Variants in CNTN5 observed in about 807,000 individuals in gnomAD.
CNTN5 encodes contactin 5, also known as contactin-5.
Under a neutral mutation model 129.1 loss-of-function variants are expected in CNTN5, and 77 were observed. The observed-to-expected ratio is 0.60, with a 90% CI of 0.50 to 0.72. The LOEUF is 0.72. CNTN5 is among the 30% of genes least tolerant of loss of function. The probability of loss-of-function intolerance (pLI) is 0.00; values close to 1 mark genes in which losing one functional copy is unlikely to be tolerated. For synonymous variants in CNTN5, 509 were observed against 465.6 expected (o/e 1.09, Z -1.20); for missense variants, 1,478 against 1,328.8 (o/e 1.11, Z -1.75).
At position 100,225,992 on chromosome 11, in the gene CNTN5, G is replaced by A. The variant is rs182641318; in HGVS notation, c.2005+1180G>A. On this transcript the variant is annotated intron_variant, in intron 16 of 24. Coordinates refer to ENST00000524871, the MANE Select transcript of CNTN5 (RefSeq NM_014361.4). ...AGTAAAATGTTGTTTTTAAAGAAGT[G>A]TGTTATTGGGTGATTGGTAGTTTGT... 3.1e-4 allele frequency among the ~76,000 whole-genome samples: 47 copies of A among 152,194 alleles called. No individual in the cohort carries two copies. In the East Asian group the frequency reaches 8.9e-3, roughly 29 times the overall value.
At chr11:99,038,245 G>A (rs998022842) in intron 1 of CNTN5, among the ~76,000 whole-genome samples, 2 of 152,122 alleles carry the variant, frequency 1.3e-5, no homozygotes, top group East Asian at 3.9e-4. Flanking sequence ...TATAAAACTT[G>A]TATATTCTTA....
At chr11:99,540,449 T>G (rs1948061287) in intron 2 of CNTN5, among the ~76,000 whole-genome samples, 1 of 152,200 alleles carries the variant, frequency 6.6e-6, no homozygotes, top group Non-Finnish European at 1.5e-5. Flanking sequence ...ACTTTCAATG[T>G]GTTCACAGGT....
At chr11:99,380,596 C>A (rs552898789) in intron 2 of CNTN5, among the ~76,000 whole-genome samples, 3 of 151,352 alleles carry the variant, frequency 2.0e-5, no homozygotes, top group Non-Finnish European at 4.4e-5. Flanking sequence ...ATGGTGAGAC[C>A]CTGTCTCTAT....
chr11:100,003,114 C>A lies in CNTN5; in HGVS notation c.980+978C>A, dbSNP rs574283932. Among the ~76,000 whole-genome samples, 4 of 152,070 alleles carry A rather than the reference C, an allele frequency of 2.6e-5. No homozygotes were observed. In the South Asian group the frequency reaches 8.3e-4, roughly 32 times the overall value. On this transcript the variant is annotated intron_variant, in intron 9 of 24. Transcript: ENST00000524871. The stretch of plus-strand genomic sequence containing the variant: ...TTTAAGGAACGAACATAGTAAACAC[C>A]GTGTTTTAATATCAAGAATGATTAA...
intron 6 of CNTN5, among the ~76,000 whole-genome samples, chr11:99,876,235 A>C (rs1329998342): frequency 6.6e-6 from 1 of 152,154 alleles, no homozygotes; most frequent in East Asian, 1.9e-4. Flanking sequence ...CAGGACCTGC[A>C]TCTGGAACCC....
At chr11:100,000,368 C>T (rs1939781052) in intron 8 of CNTN5, among the ~76,000 whole-genome samples, 1 of 152,236 alleles carries the variant, frequency 6.6e-6, no homozygotes, top group Non-Finnish European at 1.5e-5. Flanking sequence ...CAAAACCCAG[C>T]AAGGCAGTTA....
intron 3 of CNTN5, among the ~76,000 whole-genome samples, chr11:99,682,055 G>A (rs572607188): frequency 5.3e-5 from 8 of 151,784 alleles, no homozygotes; most frequent in Non-Finnish European, 1.0e-4. Context: ...AGAATCAAGT[G>A]TACAGAAAAA....
intron 2 of CNTN5, among the ~76,000 whole-genome samples, chr11:99,338,939 T>TATAC (rs1866377078): frequency 7.0e-6 from 1 of 143,710 alleles, no homozygotes; most frequent in Admixed American, 7.1e-5. Context: ...TATATATATA[T>TATAC]ATATATATCT....
chr11:99,999,869 A>T (rs1262485905), intron 8 of CNTN5, among the ~76,000 whole-genome samples: 1 of 152,106 alleles, frequency 6.6e-6, no homozygotes, highest in African/African-American at 2.4e-5. Context: ...GACATGGATG[A>T]AATTGGAAAT....
At chr11:100,102,135 T>C (rs575002994) in intron 13 of CNTN5, among the ~76,000 whole-genome samples, 1 of 152,172 alleles carries the variant, frequency 6.6e-6, no homozygotes, top group Non-Finnish European at 1.5e-5. Flanking sequence ...CTTTTAGTTC[T>C]TTAAGGAATC....
intron 9 of CNTN5, among the ~76,000 whole-genome samples, chr11:100,042,056 C>T (rs1213878600): frequency 6.6e-6 from 1 of 152,142 alleles, no homozygotes; most frequent in Non-Finnish European, 1.5e-5. Flanking sequence ...TGGTCCCCTG[C>T]CTCAAGGGAG....
intron 2 of CNTN5, among the ~76,000 whole-genome samples, chr11:99,448,353 A>T (rs1944154667): frequency 6.6e-6 from 1 of 152,214 alleles, no homozygotes; most frequent in Admixed American, 6.5e-5. Flanking sequence ...AAACCATGGG[A>T]GGCTAAAAAC....
chr11:99,073,573 T>C (rs941758794), intron 1 of CNTN5, among the ~76,000 whole-genome samples: 1 of 151,698 alleles, frequency 6.6e-6, no homozygotes, highest in Non-Finnish European at 1.5e-5. Flanking sequence ...TGACAGGCCA[T>C]GGTATATGAT....
intron 6 of CNTN5, among the ~76,000 whole-genome samples, chr11:99,862,792 A>C (rs2135775876): frequency 6.6e-6 from 1 of 152,246 alleles, no homozygotes. Flanking sequence ...GCATAAATAT[A>C]ATAGCTCATT....
chr11:99,284,603 GTGT>G (rs1565461859), intron 1 of CNTN5, among the ~76,000 whole-genome samples: 16 of 944 alleles, frequency 0.017, no homozygotes, highest in East Asian at 0.085. Context: ...GATGAGTGGT[GTGT>G]GTGTGTGTGT....
intron 13 of CNTN5, among the ~76,000 whole-genome samples, chr11:100,161,965 G>A (rs191598914): frequency 6.6e-5 from 10 of 151,678 alleles, no homozygotes; most frequent in Admixed American, 5.9e-4. Context: ...ACTCAAATAA[G>A]TCATCTTCTC....
chr11:99,238,885 ATAATT>A (rs1444635830), intron 1 of CNTN5, among the ~76,000 whole-genome samples: 1 of 152,180 alleles, frequency 6.6e-6, no homozygotes, highest in Non-Finnish European at 1.5e-5. Flanking sequence ...TGATAGGAAA[ATAATT>A]TATCATAATC....
rs140121599 is a variant in CNTN5, at chr11:99,357,140, A to G, written c.-71+31656A>G. On this transcript the variant is annotated intron_variant, in intron 2 of 24. Coordinates refer to ENST00000524871, the MANE Select transcript of CNTN5 (RefSeq NM_014361.4). ...AAGAGCCTAAGGAATTTGATCAGGGATGCTTCGCTGGTCAAGGATGGCAGT... is the reference window on the plus strand; with the variant it reads ...AAGAGCCTAAGGAATTTGATCAGGGGTGCTTCGCTGGTCAAGGATGGCAGT... 5.9e-3 allele frequency among the ~76,000 whole-genome samples: 891 copies of G among 152,292 alleles called. 8 individuals carry two copies. Among genetic ancestry groups the G allele is most frequent in the Non-Finnish European group, 1.0e-2 (677 of 68,030 alleles).
intron 3 of CNTN5, among the ~76,000 whole-genome samples, chr11:99,735,149 C>T (rs899039843): frequency 6.6e-6 from 1 of 152,184 alleles, no homozygotes; most frequent in African/African-American, 2.4e-5. Context: ...TTGTAAGATC[C>T]TGTCCTTATG....
Sources: gnomAD v4.1 joint callset for allele counts (sites outside exome capture counted in the v4.1 genomes callset) on GRCh38, gnomAD v4.1.1 for gene constraint, MANE v1.5 for transcripts, NCBI Gene and HGNC (gene_info 2026-07-23, HGNC 2026-07-21) for gene names.